FIP1L1: variants seen among roughly 807,000 people sequenced by gnomAD.
The protein encoded by FIP1L1 is factor interacting with PAPOLA and CPSF1.
Under a neutral mutation model 84.6 loss-of-function variants are expected in FIP1L1, and 21 were observed. That is an observed-to-expected ratio of 0.25 (90% CI 0.18 to 0.36). The LOEUF is 0.36. Ranked by LOEUF, FIP1L1 falls within the 10% of genes least tolerant of loss-of-function variation. The pLI is 1.00. For missense variants in FIP1L1, 526 were observed against 751.1 expected (o/e 0.70, Z 3.50); for synonymous variants, 263 against 242.3 (o/e 1.09, Z -0.80).
chr4:53,423,728 C>T (rs145580160), intron 11 of FIP1L1, among the ~76,000 whole-genome samples: 51 of 152,216 alleles, frequency 3.4e-4, no homozygotes, highest in Non-Finnish European at 6.3e-4. Context: ...ATTTTCTGAA[C>T]TCCCTTTAGG....
chr4:53,381,379 T>C (rs1238980380), intron 3 of FIP1L1, among the ~76,000 whole-genome samples: 2 of 152,176 alleles, frequency 1.3e-5, no homozygotes, highest in East Asian at 3.8e-4. Flanking sequence ...TCTCCAATTG[T>C]GTTATATCTA....
intron 11 of FIP1L1, among the ~76,000 whole-genome samples, chr4:53,418,194 T>A (rs1760675237): frequency 6.6e-6 from 1 of 152,034 alleles, no homozygotes; most frequent in Non-Finnish European, 1.5e-5. Context: ...GAGGCTGAGG[T>A]GGGTGGATCA....
chr4:53,424,399 A>G (rs539938632), intron 11 of FIP1L1, among the ~76,000 whole-genome samples: 1 of 152,232 alleles, frequency 6.6e-6, no homozygotes, highest in East Asian at 1.9e-4. Context: ...TAACATGTGA[A>G]TATTAAGATC....
chr4:53,435,414 G>A (rs185372202), intron 13 of FIP1L1, among the ~76,000 whole-genome samples: 6 of 152,060 alleles, frequency 3.9e-5, no homozygotes, highest in African/African-American at 7.2e-5. Context: ...TCTTTTGATC[G>A]TCTCATGATT....
At chr4:53,408,298 C>T (rs888413402) in intron 10 of FIP1L1, among the ~76,000 whole-genome samples, 10 of 152,224 alleles carry the variant, frequency 6.6e-5, no homozygotes, top group African/African-American at 1.4e-4. Context: ...AAAATTCTTT[C>T]CTTTAAGAAT....
chr4:53,442,162 T>G (rs1772231483), intron 13 of FIP1L1: 1 of 152,880 alleles, frequency 6.5e-6, no homozygotes, highest in African/African-American at 2.4e-5. Flanking sequence ...TATTTTCTGG[T>G]GGATATTCTC....
At chr4:53,378,040 T>G (rs1735518468) in intron 1 of FIP1L1, 117 bp downstream of exon 1, 2 of 951,258 alleles carry the variant, frequency 2.1e-6, no homozygotes, top group East Asian at 3.0e-5. Context: ...TTGGGAGTCC[T>G]GTCCGGCCTG....
chr4:53,404,815 G>C (rs1212451988), intron 10 of FIP1L1, among the ~76,000 whole-genome samples: 2 of 152,012 alleles, frequency 1.3e-5, no homozygotes, highest in African/African-American at 4.8e-5. Flanking sequence ...GTCTTCTTTT[G>C]AGAAGTGTCT....
chr4:53,382,369 C>A lies in FIP1L1; in HGVS notation c.228+34C>A, dbSNP rs764724738. 3.9e-6 allele frequency: 6 copies of A among 1,543,470 alleles called. No individual in the cohort carries two copies. The South Asian group carries it at 4.5e-5, about 12-fold the overall frequency. On this transcript the variant is annotated intron_variant, in intron 4 of 17. Coordinates refer to ENST00000337488, the MANE Select transcript of FIP1L1 (RefSeq NM_030917.4). ...AGGCTTTGAAATCCAGTTACTGATACAAATCTTTATCAATAGCTTCACAGT... is the reference window on the plus strand; with the variant it reads ...AGGCTTTGAAATCCAGTTACTGATAAAAATCTTTATCAATAGCTTCACAGT...
intron 10 of FIP1L1, among the ~76,000 whole-genome samples, chr4:53,404,723 A>G (rs1011363629): frequency 1.8e-4 from 28 of 152,230 alleles, no homozygotes; most frequent in Admixed American, 1.3e-3. Context: ...GTGAGATGCT[A>G]TCTCATTGTG....
intron 13 of FIP1L1, among the ~76,000 whole-genome samples, chr4:53,436,793 A>C (rs1265504707): frequency 6.6e-6 from 1 of 152,144 alleles, no homozygotes; most frequent in Non-Finnish European, 1.5e-5. Context: ...GTTTAACAGG[A>C]ATGCTGCCTT....
chr4:53,403,333 TGA>T (rs776637011), intron 10 of FIP1L1, among the ~76,000 whole-genome samples: 108 of 152,320 alleles, frequency 7.1e-4, no homozygotes, highest in Non-Finnish European at 7.2e-4. Flanking sequence ...TAAGGTATTT[TGA>T]GAGAGACCAC....
At chr4:53,435,806 A>C (rs1024145907) in intron 13 of FIP1L1, among the ~76,000 whole-genome samples, 2 of 143,710 alleles carry the variant, frequency 1.4e-5, no homozygotes, top group African/African-American at 5.2e-5. Context: ...TTAAGGGTGG[A>C]TGGTAGATGA....
Position 53,379,128 on chromosome 4 carries a change from GTGA to G in FIP1L1, c.130+16_130+18del, listed in dbSNP as rs748599096. The G allele has an allele frequency of 5.6e-6, 9 of 1,613,998 alleles. No homozygotes were observed. Among genetic ancestry groups the G allele is most frequent in the South Asian group, 1.1e-5 (1 of 91,026 alleles). On this transcript the variant is annotated intron_variant, in intron 2 of 17. Transcript: ENST00000337488. Reference sequence around the variant, plus strand: ...TGGCAAAGGACCTAGGTTAGTGCTTGTGATGATCACTTCAGATTTTCATAATAC... The same window carrying G: ...TGGCAAAGGACCTAGGTTAGTGCTTGTGATCACTTCAGATTTTCATAATAC...
chr4:53,451,097 T>G (rs1715593667), intron 15 of FIP1L1, among the ~76,000 whole-genome samples: 1 of 151,654 alleles, frequency 6.6e-6, no homozygotes, highest in South Asian at 2.1e-4. Context: ...TCCAAATAGC[T>G]GGGATTACAG....
chr4:53,392,591 GA>G (rs1744850280), intron 9 of FIP1L1, among the ~76,000 whole-genome samples: 3 of 152,196 alleles, frequency 2.0e-5, no homozygotes, highest in Admixed American at 2.0e-4. Flanking sequence ...GCAATGGGTA[GA>G]AAAGTTGTCT....
At chr4:53,438,002 G>T (rs1305152117) in intron 13 of FIP1L1, among the ~76,000 whole-genome samples, 1 of 152,032 alleles carries the variant, frequency 6.6e-6, no homozygotes, top group Non-Finnish European at 1.5e-5. Flanking sequence ...TGGGATTACG[G>T]GTGTGAGCCA....
chr4:53,389,133 G>GTTCT (rs1161439199), intron 5 of FIP1L1, among the ~76,000 whole-genome samples: 2 of 152,124 alleles, frequency 1.3e-5, no homozygotes, highest in Non-Finnish European at 2.9e-5. Flanking sequence ...GGCAAACACT[G>GTTCT]TTCTGCTTTC....
At chr4:53,378,801 A>C (rs974888924) in intron 1 of FIP1L1, 3 of 457,170 alleles carry the variant, frequency 6.6e-6, no homozygotes, top group Non-Finnish European at 1.2e-5. Context: ...TTAGAATAGA[A>C]TAGTAAAAGT....
Sources: allele counts gnomAD v4.1 joint callset (sites outside exome capture counted in the v4.1 genomes callset), GRCh38; gene constraint gnomAD v4.1.1; transcripts MANE v1.5; gene names NCBI Gene and HGNC (gene_info 2026-07-23, HGNC 2026-07-21).